The following JMY variants were observed in gnomAD, a reference collection of about 807,000 sequenced individuals.
The protein encoded by JMY is junction-mediating and -regulatory protein.
Under a neutral mutation model 103.3 loss-of-function variants are expected in JMY, and 46 were observed. That is an observed-to-expected ratio of 0.45 (90% CI 0.35 to 0.57). The LOEUF is 0.57. Among genes scored for constraint, JMY ranks in the 20% least tolerant of loss-of-function variants. The probability of loss-of-function intolerance (pLI) is 0.00; values close to 1 mark genes in which losing one functional copy is unlikely to be tolerated. For missense variants in JMY, 1,238 were observed against 1,255.2 expected (o/e 0.99, Z 0.21); for synonymous variants, 526 against 489.3 (o/e 1.07, Z -0.99).
intron 1 of JMY, among the ~76,000 whole-genome samples, chr5:79,261,772 G>A (rs1214743180): frequency 2.0e-5 from 3 of 152,132 alleles, no homozygotes; most frequent in Non-Finnish European, 4.4e-5. Flanking sequence ...TTACAGGCGT[G>A]CACTACCATG....
At position 79,237,298 on chromosome 5, in the gene JMY, C is replaced by T. The variant is rs1232634182; in HGVS notation, c.648C>T (p.Pro216=). ...LALSDAEQPP[P]ATELESPAEE... is the part of the protein sequence containing the mutation. Reference sequence around the variant, plus strand: ...TCTCGGACGCGGAGCAGCCGCCGCCCGCCACCGAGCTGGAGTCTCCGGCCG... The same window carrying T: ...TCTCGGACGCGGAGCAGCCGCCGCCTGCCACCGAGCTGGAGTCTCCGGCCG... The change falls in exon 1 of 11, where the codon CCC becomes CCT. Residue 216 remains proline, a synonymous_variant. Coordinates refer to ENST00000396137, the MANE Select transcript of JMY (RefSeq NM_152405.5). 3 of 1,559,912 alleles carry T rather than the reference C, an allele frequency of 1.9e-6. No homozygotes were observed. The highest frequency in any genetic ancestry group is 1.4e-5 in the African/African-American group (1 of 73,332).
At chr5:79,291,370 AT>A (rs1299012706) in intron 4 of JMY, 71 bp downstream of exon 4, 10 of 1,346,194 alleles carry the variant, frequency 7.4e-6, no homozygotes, top group Admixed American at 5.1e-5. Flanking sequence ...TGCACAAGAC[AT>A]TTTTTTGATT....
intron 1 of JMY, among the ~76,000 whole-genome samples, chr5:79,263,371 G>T (rs754021849): frequency 6.6e-6 from 1 of 152,048 alleles, no homozygotes; most frequent in Non-Finnish European, 1.5e-5. Context: ...GAATATGCAC[G>T]GTCTTTGTTA....
intron 1 of JMY, among the ~76,000 whole-genome samples, chr5:79,265,481 C>T (rs1745558448): frequency 1.3e-5 from 2 of 152,148 alleles, no homozygotes; most frequent in Admixed American, 1.3e-4. Flanking sequence ...TAACAAGTTC[C>T]TAGGTGACAC....
intron 2 of JMY, among the ~76,000 whole-genome samples, chr5:79,289,267 T>G (rs1259737237): frequency 6.6e-6 from 1 of 151,190 alleles, no homozygotes; most frequent in African/African-American, 2.4e-5. Context: ...GAATATGGGT[T>G]GTATTATTTC....
At chr5:79,260,517 A>AATATGG (rs1745389170) in intron 1 of JMY, among the ~76,000 whole-genome samples, 1 of 151,652 alleles carries the variant, frequency 6.6e-6, no homozygotes, top group African/African-American at 2.4e-5. Context: ...AGTAGCTGGG[A>AATATGG]ATATGGGCAT....
At chr5:79,287,243 G>A (rs1209114421) in intron 2 of JMY, among the ~76,000 whole-genome samples, 2 of 152,132 alleles carry the variant, frequency 1.3e-5, no homozygotes, top group East Asian at 1.9e-4. Flanking sequence ...TGAAGTCAAG[G>A]GATGCAGATA....
chr5:79,303,243 A>AT (rs752108967), intron 6 of JMY, among the ~76,000 whole-genome samples: 9 of 152,102 alleles, frequency 5.9e-5, no homozygotes, highest in South Asian at 2.1e-4. Flanking sequence ...TATTTTATTT[A>AT]TTTTTTTATA....
intron 1 of JMY, among the ~76,000 whole-genome samples, chr5:79,239,442 T>A (rs1025572017): frequency 4.6e-5 from 7 of 152,214 alleles, no homozygotes; most frequent in Non-Finnish European, 7.3e-5. Context: ...ATATATTTTT[T>A]AAAATACATA....
In JMY at chr5:79,316,014, G is replaced by A. The variant is rs1183923304; in HGVS notation, c.2674G>A (p.Asp892Asn). 1.9e-6 allele frequency: 3 copies of A among 1,613,832 alleles called. No individual in the cohort carries two copies. The highest frequency in any genetic ancestry group is 2.5e-6 in the Non-Finnish European group (3 of 1,179,826). The change falls in exon 10 of 11, where the codon GAT becomes AAT. Residue 892 changes from aspartate to asparagine, a missense_variant. Asp to Asn is a conservative substitution (Grantham distance 23). Transcript: ENST00000396137. The stretch of plus-strand genomic sequence containing the variant: ...ATTTTCCAAAGTGAGCTCACCCATG[G>A]ATGAGGTGCTAGCCTCCTTGAAGCG... ...LQRRRVSSPM[D>N]EVLASLKRGS...
intron 1 of JMY, among the ~76,000 whole-genome samples, chr5:79,255,971 C>T (rs1389819672): frequency 2.0e-5 from 3 of 152,242 alleles, no homozygotes; most frequent in Admixed American, 1.3e-4. Context: ...TAGGGCTCTA[C>T]AATCAGCAAG....
At chr5:79,284,050 TTC>T in intron 2 of JMY, 1 of 973,498 alleles carries the variant, frequency 1.0e-6, no homozygotes, top group Non-Finnish European at 1.5e-6. Flanking sequence ...ACAAATTACT[TTC>T]TTTTTTTTAT....
chr5:79,247,884 ATATTTTATTTTATTT>A (rs1168365480), intron 1 of JMY, among the ~76,000 whole-genome samples: 1 of 144,082 alleles, frequency 6.9e-6, no homozygotes, highest in Non-Finnish European at 1.5e-5. Context: ...ATTTTATTTT[ATATTTTATTTTATTT>A]TATTTTATTT....
intron 10 of JMY, among the ~76,000 whole-genome samples, chr5:79,318,177 T>TTC (rs1181654899): frequency 3.3e-5 from 5 of 150,414 alleles, no homozygotes; most frequent in Non-Finnish European, 7.4e-5. Context: ...CTTTTTTCTT[T>TTC]TTTTTTTTTG....
intron 1 of JMY, among the ~76,000 whole-genome samples, chr5:79,274,626 G>A (rs1164075253): frequency 1.3e-5 from 2 of 151,954 alleles, no homozygotes; most frequent in African/African-American, 4.8e-5. Context: ...GGCTGGTCTC[G>A]AACTCCTGAC....
At chr5:79,279,950 C>T (rs1746060501) in intron 2 of JMY, among the ~76,000 whole-genome samples, 1 of 152,106 alleles carries the variant, frequency 6.6e-6, no homozygotes, top group Non-Finnish European at 1.5e-5. Context: ...TTCAAGCAGT[C>T]TTCCCACCTC....
At chr5:79,304,887 G>A (rs1193039412) in intron 6 of JMY, among the ~76,000 whole-genome samples, 1 of 152,170 alleles carries the variant, frequency 6.6e-6, no homozygotes, top group Non-Finnish European at 1.5e-5. Flanking sequence ...AACGCTTCTG[G>A]TAGTGACATA....
chr5:79,259,305 C>T (rs1234758372), intron 1 of JMY, among the ~76,000 whole-genome samples: 1 of 152,200 alleles, frequency 6.6e-6, no homozygotes, highest in Admixed American at 6.5e-5. Flanking sequence ...AGCTGCTCTC[C>T]CATCATCTGG....
intron 1 of JMY, among the ~76,000 whole-genome samples, chr5:79,238,999 A>G (rs2112038243): frequency 6.6e-6 from 1 of 152,044 alleles, no homozygotes; most frequent in Middle Eastern, 3.4e-3. Context: ...TATTCCTAAG[A>G]TTGTGTTGTT....
Sources: gnomAD v4.1 joint callset for allele counts (sites outside exome capture counted in the v4.1 genomes callset) on GRCh38, gnomAD v4.1.1 for gene constraint, MANE v1.5 for transcripts, NCBI Gene and HGNC (gene_info 2026-07-23, HGNC 2026-07-21) for gene names.